CCND3: variants seen among roughly 807,000 people sequenced by gnomAD.
CCND3 encodes cyclin D3.
In CCND3, 9 loss-of-function variants were observed where a neutral mutation model predicts 28.7. The observed-to-expected ratio is 0.31, with a 90% CI of 0.19 to 0.55. CCND3 has a LOEUF of 0.55. Ranked by LOEUF, CCND3 falls within the 20% of genes least tolerant of loss-of-function variation. The pLI is 0.93. For missense variants in CCND3, 315 were observed against 385.8 expected (o/e 0.82, Z 1.54); for synonymous variants, 164 against 163.9 (o/e 1.00, Z 0.00).
intron 1 of CCND3, among the ~76,000 whole-genome samples, chr6:41,983,321 G>A (rs559299781): frequency 4.7e-4 from 70 of 149,464 alleles, no homozygotes; most frequent in East Asian, 9.8e-4. Flanking sequence ...GCACTGAGTC[G>A]AGATCGTGCC....
intron 1 of CCND3, among the ~76,000 whole-genome samples, chr6:42,027,524 C>T (rs1345007146): frequency 6.6e-6 from 1 of 152,078 alleles, no homozygotes; most frequent in Non-Finnish European, 1.5e-5. Flanking sequence ...TCACCATACC[C>T]AATTTATTCC....
At chr6:41,968,001 G>A (rs149430138) in intron 1 of CCND3, among the ~76,000 whole-genome samples, 5 of 152,318 alleles carry the variant, frequency 3.3e-5, no homozygotes, top group African/African-American at 9.6e-5. Context: ...TGAGAAGGGA[G>A]TTTAATTATT....
intron 1 of CCND3, among the ~76,000 whole-genome samples, chr6:42,016,815 C>T (rs1170427392): frequency 6.6e-6 from 1 of 152,092 alleles, no homozygotes; most frequent in East Asian, 1.9e-4. Context: ...GAACTCCTGA[C>T]CTCAAGTTAT....
chr6:41,996,148 TTTG>T (rs1561978550), intron 1 of CCND3, among the ~76,000 whole-genome samples: 1 of 5,746 alleles, frequency 1.7e-4, no homozygotes, highest in Admixed American at 3.6e-3. Context: ...ATTTTTTTTG[TTTG>T]TTTGTTTGTT....
intron 1 of CCND3, among the ~76,000 whole-genome samples, chr6:41,949,582 G>A (rs1223863838): frequency 6.6e-6 from 1 of 151,030 alleles, no homozygotes; most frequent in Non-Finnish European, 1.5e-5. Flanking sequence ...GACAGAGCGA[G>A]ACTCCGTCTC....
At chr6:42,047,295 G>A (rs1406636033) in intron 1 of CCND3, among the ~76,000 whole-genome samples, 1 of 152,226 alleles carries the variant, frequency 6.6e-6, no homozygotes, top group Non-Finnish European at 1.5e-5. Flanking sequence ...ACAGCTGTGG[G>A]AATAGCCTGT....
chr6:42,037,105 A>T (rs1161259359), intron 1 of CCND3, among the ~76,000 whole-genome samples: 2 of 151,468 alleles, frequency 1.3e-5, no homozygotes, highest in African/African-American at 4.9e-5. Context: ...CACCTGGCTA[A>T]TTTTTCTGTA....
intron 1 of CCND3, among the ~76,000 whole-genome samples, chr6:42,001,765 C>T (rs1397460460): frequency 6.6e-6 from 1 of 152,056 alleles, no homozygotes; most frequent in Non-Finnish European, 1.5e-5. Flanking sequence ...GATAATAGAA[C>T]TGTCCCATAT....
intron 1 of CCND3, among the ~76,000 whole-genome samples, chr6:41,966,854 C>T (rs961018639): frequency 1.3e-5 from 2 of 152,256 alleles, no homozygotes; most frequent in African/African-American, 4.8e-5. Flanking sequence ...AAGCCCTCTA[C>T]AGCATGAATA....
At chr6:41,998,398 A>G (rs9471717) in intron 1 of CCND3, among the ~76,000 whole-genome samples, 144,294 of 147,162 alleles carry the variant, frequency 0.98, 70,797 homozygotes, top group East Asian at 1. Flanking sequence ...CCCCAGGCTG[A>G]AGTGTGATGG....
At chr6:41,980,727 A>G (rs928994935) in intron 1 of CCND3, among the ~76,000 whole-genome samples, 3 of 152,234 alleles carry the variant, frequency 2.0e-5, no homozygotes, top group Admixed American at 6.5e-5. Context: ...CTGGTTCAAC[A>G]TTTGAAAATC....
intron 1 of CCND3, among the ~76,000 whole-genome samples, chr6:42,042,060 C>T (rs1764384835): frequency 6.6e-6 from 1 of 152,216 alleles, no homozygotes; most frequent in South Asian, 2.1e-4. Context: ...GGGACAGCCC[C>T]AGCTTCAAAT....
At chr6:41,974,533 T>G (rs559301326) in intron 1 of CCND3, among the ~76,000 whole-genome samples, 1 of 152,222 alleles carries the variant, frequency 6.6e-6, no homozygotes, top group African/African-American at 2.4e-5. Flanking sequence ...CCTTTGAACT[T>G]GACTGGAAAC....
intron 1 of CCND3, among the ~76,000 whole-genome samples, chr6:41,996,146 TG>T (rs60662806): frequency 0.33 from 43,581 of 133,696 alleles, 7,186 homozygotes; most frequent in Admixed American, 0.43. Flanking sequence ...ATATTTTTTT[TG>T]TTTGTTTGTT....
At chr6:41,973,019 C>G (rs1400369336) in intron 1 of CCND3, among the ~76,000 whole-genome samples, 2 of 151,956 alleles carry the variant, frequency 1.3e-5, no homozygotes, top group Admixed American at 6.6e-5. Flanking sequence ...TCCTCTCTGC[C>G]CAACCCCACC....
chr6:42,016,257 T>C (rs778588790), intron 1 of CCND3, among the ~76,000 whole-genome samples: 1 of 152,180 alleles, frequency 6.6e-6, no homozygotes, highest in Admixed American at 6.5e-5. Flanking sequence ...TTACTAACCA[T>C]AGTCACCATG....
chr6:42,010,929 A>G (rs1210509426), intron 1 of CCND3: 1 of 152,044 alleles, frequency 6.6e-6, no homozygotes, highest in Non-Finnish European at 1.5e-5. Flanking sequence ...TTCACAGGAA[A>G]ATTGAGAGGA....
chr6:41,970,844 G>A (rs562718230), intron 1 of CCND3, among the ~76,000 whole-genome samples: 99 of 152,148 alleles, frequency 6.5e-4, no homozygotes, highest in African/African-American at 2.4e-3. Context: ...TTGGTTACCA[G>A]TTTTGTGTTC....
chr6:41,940,642 G>C (rs1478202909), intron 1 of CCND3, 57 bp from the exon 2 acceptor site: 41 of 1,223,034 alleles, frequency 3.4e-5, no homozygotes, highest in Non-Finnish European at 3.4e-5. Flanking sequence ...ACAGCAGCGG[G>C]GGGGTGGGAG....
Sources: gnomAD v4.1 joint callset for allele counts (sites outside exome capture counted in the v4.1 genomes callset) on GRCh38, gnomAD v4.1.1 for gene constraint, MANE v1.5 for transcripts, NCBI Gene and HGNC (gene_info 2026-07-23, HGNC 2026-07-21) for gene names.